MAP3K2: variants seen among roughly 807,000 people sequenced by gnomAD.
The protein encoded by MAP3K2 is MAP/ERK kinase kinase 2.
Under a neutral mutation model 80.3 loss-of-function variants are expected in MAP3K2, and 24 were observed. The observed-to-expected ratio is 0.30, with a 90% CI of 0.22 to 0.42. The LOEUF (loss-of-function observed/expected upper bound fraction) is 0.42, where lower values mean the gene tolerates loss of function less well. Ranked by LOEUF, MAP3K2 falls within the 10% of genes least tolerant of loss-of-function variation. The probability of loss-of-function intolerance (pLI) is 1.00; values close to 1 mark genes in which losing one functional copy is unlikely to be tolerated. For missense variants in MAP3K2, 608 were observed against 750.1 expected, an observed-to-expected ratio of 0.81 and a Z score of 2.21; for synonymous variants, 244 against 253.7, an observed-to-expected ratio of 0.96 and a Z score of 0.36.
intron 1 of MAP3K2, among the ~76,000 whole-genome samples, chr2:127,359,667 G>T (rs1400890034): frequency 6.6e-6 from 1 of 152,172 alleles, no homozygotes; most frequent in Non-Finnish European, 1.5e-5. Context: ...AATCATGAGG[G>T]TGGTTTCTAA....
chr2:127,309,542 C>G (rs111974396), intron 15 of MAP3K2, among the ~76,000 whole-genome samples: 16 of 152,266 alleles, frequency 1.1e-4, no homozygotes, highest in African/African-American at 3.4e-4. Context: ...TAGATTTCCT[C>G]AGTTTTTCCC....
In MAP3K2 at chr2:127,364,071, C is replaced by G. The variant is rs976365871; in HGVS notation, c.-65-20877G>C. On this transcript the variant is annotated intron_variant, in intron 1 of 16. Transcript: ENST00000682094. The surrounding 1 kb of genome is among the most constrained non-coding windows in gnomAD (Gnocchi z 4.1). ...TTGCAAATTTGACTCTCCTTACAAC[C>G]ATAACATAATATAGCACACATATGT... Among the ~76,000 whole-genome samples the G allele has an allele frequency of 6.6e-6, 1 of 152,192 alleles. No homozygotes were observed. Among genetic ancestry groups the G allele is most frequent in the African/African-American group, 2.4e-5 (1 of 41,446 alleles).
In MAP3K2 at chr2:127,335,912, A is replaced by G. The variant is rs775033470; in HGVS notation, c.222T>C (p.Ile74=). 2.5e-6 allele frequency: 4 copies of G among 1,576,940 alleles called. No homozygotes were observed. The highest frequency in any genetic ancestry group is 3.5e-6 in the Non-Finnish European group (4 of 1,158,578). The change falls in exon 5 of 17, where the codon ATT becomes ATC. Residue 74 remains isoleucine (I), a synonymous_variant. Coordinates refer to ENST00000682094, the MANE Select transcript of MAP3K2 (RefSeq NM_001371910.2). The part of the protein sequence containing the change: ...KLEDLRSKAK[I]AFGQSMDLHY... ...GTAGATCCATAGACTGTCCAAAGGCAATTTTAGCTTTAGATCTCAGATCTT... is the reference window on the plus strand; with the variant it reads ...GTAGATCCATAGACTGTCCAAAGGCGATTTTAGCTTTAGATCTCAGATCTT...
In MAP3K2 at chr2:127,321,941, G is replaced by T; in HGVS notation, c.1045+105C>A. The T allele has an allele frequency of 5.3e-6, 5 of 944,670 alleles. No individual in the cohort carries two copies. The highest frequency in any genetic ancestry group is 4.4e-5 in the Admixed American group (2 of 45,300). The allele number at this position is 944,670 out of a possible 1,614,324, so 58.5% of individuals were successfully genotyped here. ...ACACCATTATTACCTTTTTTGAGTA[G>T]TTCATCTGACCCCAAAAACTCACTT... is the stretch of plus-strand genomic sequence containing the variant. On this transcript the variant is annotated intron_variant, in intron 12 of 16. Coordinates refer to ENST00000682094, the MANE Select transcript of MAP3K2 (RefSeq NM_001371910.2). This position sits in a 1 kb window ranked among gnomAD's most constrained non-coding sequence, Gnocchi z 4.4.
At chr2:127,345,863 G>A (rs1364535609) in intron 1 of MAP3K2, among the ~76,000 whole-genome samples, 2 of 152,008 alleles carry the variant, frequency 1.3e-5, no homozygotes, top group Non-Finnish European at 2.9e-5. Flanking sequence ...TGCATCTAAA[G>A]ATAAAATTTA....
rs1038264397 is a variant in MAP3K2 at position 127,307,439 on chromosome 2, C to T, written c.*140G>A. On this transcript the variant is annotated 3_prime_UTR_variant, in exon 17 of 17. Coordinates refer to ENST00000682094, the MANE Select transcript of MAP3K2 (RefSeq NM_001371910.2). The surrounding 1 kb of genome is among the most constrained non-coding windows in gnomAD (Gnocchi z 5.4). ...ATTATTATTATTAAACAAATTTAAC[C>T]AAGAATCAAGAGAAATACTTTCCCT... 1.8e-5 allele frequency: 8 copies of T among 456,184 alleles called. No individual in the cohort carries two copies. The highest frequency in any genetic ancestry group is 3.1e-5 in the Non-Finnish European group (8 of 256,516). 28.3% of individuals were successfully genotyped at this position (456,184 alleles called of 1,614,324 possible).
At chr2:127,318,144 A>T (rs940202794) in intron 13 of MAP3K2, 25 bp downstream of exon 13, 3 of 1,543,994 alleles carry the variant, frequency 1.9e-6, no homozygotes, top group African/African-American at 2.8e-5. Context: ...TAATGTGACA[A>T]AGTAATTTGT....
At chr2:127,325,503 AC>A (rs1686115547) in intron 9 of MAP3K2, among the ~76,000 whole-genome samples, 1 of 152,086 alleles carries the variant, frequency 6.6e-6, no homozygotes, top group African/African-American at 2.4e-5. Flanking sequence ...ACAAAGTGAG[AC>A]CCCCATCTCT....
At chr2:127,354,972 G>A (rs1686772503) in intron 1 of MAP3K2, among the ~76,000 whole-genome samples, 1 of 152,022 alleles carries the variant, frequency 6.6e-6, no homozygotes, top group Non-Finnish European at 1.5e-5. Context: ...AGACATCGGA[G>A]AAAAAGATTA....
chr2:127,363,233 C>T (rs1259676734), intron 1 of MAP3K2, among the ~76,000 whole-genome samples: 2 of 151,906 alleles, frequency 1.3e-5, no homozygotes, highest in Admixed American at 1.3e-4. Flanking sequence ...TATTACACTG[C>T]CTCTCGTTGT....
At chr2:127,328,864 T>C (rs72845976) in intron 7 of MAP3K2, among the ~76,000 whole-genome samples, 1 of 152,036 alleles carries the variant, frequency 6.6e-6, no homozygotes, top group Non-Finnish European at 1.5e-5. Context: ...CATTTGTTTT[T>C]CCTCCTCTTT....
chr2:127,327,434 T>C (rs963269046), intron 7 of MAP3K2, among the ~76,000 whole-genome samples: 7 of 152,176 alleles, frequency 4.6e-5, no homozygotes, highest in Non-Finnish European at 1.0e-4. Flanking sequence ...GGAGCTCAAT[T>C]TGAGTCAGGA....
chr2:127,383,874 A>T (rs1034392836), intron 1 of MAP3K2, among the ~76,000 whole-genome samples: 1 of 141,362 alleles, frequency 7.1e-6, no homozygotes, highest in South Asian at 2.2e-4. Context: ...GCAACAAATA[A>T]TTTTTTTTTT....
chr2:127,380,562 T>C (rs1275830599), intron 1 of MAP3K2, among the ~76,000 whole-genome samples: 1 of 152,194 alleles, frequency 6.6e-6, no homozygotes, highest in African/African-American at 2.4e-5. Context: ...CTAAAGATTC[T>C]AACCCTATCC....
intron 15 of MAP3K2, 48 bp from the exon 16 acceptor site, chr2:127,308,810 G>A (rs747276138): frequency 1.0e-5 from 16 of 1,558,816 alleles, no homozygotes; most frequent in Non-Finnish European, 1.3e-5. Context: ...TGGCAGTCTC[G>A]AATATAGCAT....
At chr2:127,388,195 C>CGCCCCT (rs984970700), upstream of MAP3K2, 20 of 984,282 alleles carry the variant, frequency 2.0e-5, no homozygotes, top group African/African-American at 2.5e-4. Flanking sequence ...GCCCCGCCCC[C>CGCCCCT]GCCCCTGCCC....
At position 127,343,153 on chromosome 2, in the gene MAP3K2, G is replaced by T; in HGVS notation, c.-24C>A. The T allele has an allele frequency of 6.5e-7, 1 of 1,545,772 alleles. No individual in the cohort carries two copies. The highest frequency in any genetic ancestry group is 8.8e-7 in the Non-Finnish European group (1 of 1,141,340). Reference sequence around the variant, plus strand: ...ATTATGGCAAACAGCTCAACAATTTGAAAATTAGGAAAATGGTTCTCCCAT... The same window carrying T: ...ATTATGGCAAACAGCTCAACAATTTTAAAATTAGGAAAATGGTTCTCCCAT... On this transcript the variant is annotated 5_prime_UTR_variant, in exon 2 of 17. Transcript: ENST00000682094.
chr2:127,376,053 T>C (rs1174015384), intron 1 of MAP3K2, among the ~76,000 whole-genome samples: 1 of 152,076 alleles, frequency 6.6e-6, no homozygotes, highest in Non-Finnish European at 1.5e-5. Flanking sequence ...AACCTGATGC[T>C]AAAAACAGAA....
chr2:127,376,285 A>C (rs1374284180), intron 1 of MAP3K2, among the ~76,000 whole-genome samples: 1 of 119,448 alleles, frequency 8.4e-6, no homozygotes, highest in African/African-American at 3.2e-5. Flanking sequence ...CTGGCCTTTA[A>C]TCATCCACGT....
Sources: allele counts gnomAD v4.1 joint callset (sites outside exome capture counted in the v4.1 genomes callset), GRCh38; gene constraint gnomAD v4.1.1; non-coding constraint Gnocchi (gnomAD v3.1); transcripts MANE v1.5; gene names NCBI Gene and HGNC (gene_info 2026-07-23, HGNC 2026-07-21).